CUEDC1: variants seen among roughly 807,000 people sequenced by gnomAD.
CUEDC1 encodes CUE domain-containing protein 1.
CUEDC1 carries 30 observed loss-of-function variants against 43.7 expected under a neutral mutation model. The observed-to-expected ratio is 0.69, with a 90% CI of 0.51 to 0.93. CUEDC1 has a LOEUF of 0.93. Among genes scored for constraint, CUEDC1 ranks in the 40% least tolerant of loss-of-function variants. The pLI is 0.00. For missense variants in CUEDC1, 486 were observed against 549.0 expected (o/e 0.89, Z 1.15); for synonymous variants, 223 against 223.6 (o/e 1.00, Z 0.02).
At chr17:57,894,568 G>A (rs1212517050) in intron 1 of CUEDC1, among the ~76,000 whole-genome samples, 2 of 152,156 alleles carry the variant, frequency 1.3e-5, no homozygotes, top group Non-Finnish European at 2.9e-5. Flanking sequence ...CTACTTGGGA[G>A]GCTGAGGCAC....
intron 2 of CUEDC1, among the ~76,000 whole-genome samples, chr17:57,882,488 CCAGACTGTCAGGGCAAAT>C (rs1445918284): frequency 1.3e-5 from 2 of 152,166 alleles, no homozygotes; most frequent in Admixed American, 6.5e-5. Context: ...ACCCTACCTG[CCAGACTGTCAGGGCAAAT>C]CAGACTGCAG....
chr17:57,884,200 T>TCC (rs2074255187), intron 2 of CUEDC1, among the ~76,000 whole-genome samples: 1 of 140,402 alleles, frequency 7.1e-6, no homozygotes, highest in Non-Finnish European at 1.6e-5. Context: ...TTCTTTTTTT[T>TCC]TTTTTTTTTT....
At chr17:57,939,996 C>T (rs1370194443) in intron 1 of CUEDC1, among the ~76,000 whole-genome samples, 3 of 152,024 alleles carry the variant, frequency 2.0e-5, no homozygotes, top group Non-Finnish European at 2.9e-5. Context: ...CTTCAATTCC[C>T]CTATGGCTTC....
At chr17:57,940,184 T>C (rs1398508067) in intron 1 of CUEDC1, among the ~76,000 whole-genome samples, 3 of 151,968 alleles carry the variant, frequency 2.0e-5, no homozygotes, top group Non-Finnish European at 2.9e-5. Context: ...GTGACTCTTC[T>C]TCAGTGCCAT....
At chr17:57,872,226 G>T (rs953342897) in intron 5 of CUEDC1, among the ~76,000 whole-genome samples, 2 of 152,230 alleles carry the variant, frequency 1.3e-5, no homozygotes, top group African/African-American at 4.8e-5. Flanking sequence ...CAGAGCCCCT[G>T]CTCTAAAGTC....
intron 2 of CUEDC1, among the ~76,000 whole-genome samples, chr17:57,884,260 T>G (rs528038283): frequency 5.0e-5 from 7 of 140,670 alleles, no homozygotes; most frequent in African/African-American, 1.6e-4. Flanking sequence ...TGCAGTGGCA[T>G]GATCTCGGCT....
chr17:57,905,986 TA>T lies in CUEDC1; in HGVS notation c.-315-20108del, dbSNP rs201285398. On this transcript the variant is annotated intron_variant, in intron 1 of 10. Transcript: ENST00000577830. ...ATAAAGTTCATTGTTGGTGGCAATGTAAAATGGTACAGCCACTATGAAAAAG... is the reference window on the plus strand; with the variant it reads ...ATAAAGTTCATTGTTGGTGGCAATGTAAATGGTACAGCCACTATGAAAAAG... Among the ~76,000 whole-genome samples, 630 of 152,302 alleles carry T rather than the reference TA, an allele frequency of 4.1e-3. 18 individuals are homozygous for T. Among genetic ancestry groups the T allele is most frequent in the Admixed American group, 0.032 (486 of 15,296 alleles).
intron 1 of CUEDC1, among the ~76,000 whole-genome samples, chr17:57,919,086 C>T (rs1039336694): frequency 2.6e-5 from 4 of 152,122 alleles, no homozygotes; most frequent in Non-Finnish European, 5.9e-5. Flanking sequence ...CTCCTGACTC[C>T]AAGTGATCCT....
At chr17:57,878,057 A>G (rs1336640678) in intron 3 of CUEDC1, among the ~76,000 whole-genome samples, 1 of 151,998 alleles carries the variant, frequency 6.6e-6, no homozygotes, top group Non-Finnish European at 1.5e-5. Flanking sequence ...CAAAGATCCC[A>G]GCTCTGTTCC....
intron 1 of CUEDC1, among the ~76,000 whole-genome samples, chr17:57,939,893 T>C (rs1212390795): frequency 6.6e-6 from 1 of 152,130 alleles, no homozygotes; most frequent in African/African-American, 2.4e-5. Context: ...AGGTGCACCA[T>C]GCAGACTCAC....
At chr17:57,918,028 G>A (rs2074661625) in intron 1 of CUEDC1, among the ~76,000 whole-genome samples, 2 of 152,190 alleles carry the variant, frequency 1.3e-5, no homozygotes, top group African/African-American at 4.8e-5. Flanking sequence ...GTCTCACTGA[G>A]AGGAGCTGAG....
chr17:57,866,140 C>A (rs2073954136), intron 10 of CUEDC1, among the ~76,000 whole-genome samples: 1 of 152,116 alleles, frequency 6.6e-6, no homozygotes. Flanking sequence ...CTTAAATCAT[C>A]CTCTCAGTGT....
intron 1 of CUEDC1, among the ~76,000 whole-genome samples, chr17:57,902,497 T>A (rs2074483674): frequency 6.6e-6 from 1 of 152,190 alleles, no homozygotes; most frequent in African/African-American, 2.4e-5. Context: ...GCTACCTTTG[T>A]GTATGGTGAA....
chr17:57,908,391 A>C (rs2074549982), intron 1 of CUEDC1, among the ~76,000 whole-genome samples: 1 of 152,094 alleles, frequency 6.6e-6, no homozygotes, highest in Admixed American at 6.5e-5. Flanking sequence ...AGCACAGAGG[A>C]GCTTGGGCAC....
intron 3 of CUEDC1, among the ~76,000 whole-genome samples, chr17:57,876,770 G>C (rs1013572230): frequency 6.6e-6 from 1 of 152,184 alleles, no homozygotes; most frequent in Non-Finnish European, 1.5e-5. Context: ...GGGAAGCCTC[G>C]CCCCTGGTCT....
At chr17:57,932,281 C>CAGAAAAAA (rs2074812500) in intron 1 of CUEDC1, among the ~76,000 whole-genome samples, 1 of 121,946 alleles carries the variant, frequency 8.2e-6, no homozygotes, top group African/African-American at 4.5e-5. Context: ...CACTGTGTCT[C>CAGAAAAAA]AAAAAAAAAA....
At chr17:57,952,776 G>C (rs2075019905) in intron 1 of CUEDC1, among the ~76,000 whole-genome samples, 1 of 152,116 alleles carries the variant, frequency 6.6e-6, no homozygotes, top group African/African-American at 2.4e-5. Context: ...GTTAAACAAA[G>C]AAAAATCCCC....
intron 6 of CUEDC1, among the ~76,000 whole-genome samples, chr17:57,870,971 C>T (rs2074026799): frequency 6.6e-6 from 1 of 152,210 alleles, no homozygotes; most frequent in Non-Finnish European, 1.5e-5. Flanking sequence ...GCGTGAGCCA[C>T]CGCACCTGGC....
At chr17:57,873,502 G>A (rs781062887) in intron 4 of CUEDC1, 89 bp downstream of exon 4, 5 of 1,399,270 alleles carry the variant, frequency 3.6e-6, no homozygotes, top group Non-Finnish European at 4.8e-6. Context: ...TAAACATCAG[G>A]AAGTAAAACT....
Sources: gnomAD v4.1 joint callset for allele counts (sites outside exome capture counted in the v4.1 genomes callset) on GRCh38, gnomAD v4.1.1 for gene constraint, MANE v1.5 for transcripts, NCBI Gene and HGNC (gene_info 2026-07-23, HGNC 2026-07-21) for gene names.